The following BMPR1B variants were observed in gnomAD, a reference collection of about 807,000 sequenced individuals.
BMPR1B encodes the protein bone morphogenetic protein receptor type-1B.
A neutral mutation model predicts 59.1 loss-of-function variants in BMPR1B; 12 were observed. The ratio of observed to expected loss-of-function variants is 0.20; its 90% CI spans 0.13 to 0.33. The LOEUF is 0.33. BMPR1B is among the 10% of genes least tolerant of loss of function. The probability of loss-of-function intolerance (pLI) is 1.00; values close to 1 mark genes in which losing one functional copy is unlikely to be tolerated. For synonymous variants in BMPR1B, 237 were observed against 207.3 expected (o/e 1.14, Z -1.23); for missense variants, 550 against 610.9 (o/e 0.90, Z 1.05).
intron 2 of BMPR1B, among the ~76,000 whole-genome samples, chr4:94,882,826 C>A (rs1727027279): frequency 6.6e-6 from 1 of 152,132 alleles, no homozygotes; most frequent in Non-Finnish European, 1.5e-5. Context: ...TGTGGGAATT[C>A]ATGGTTTACA....
At chr4:94,943,712 A>G (rs1578831878) in intron 2 of BMPR1B, among the ~76,000 whole-genome samples, 1 of 152,334 alleles carries the variant, frequency 6.6e-6, no homozygotes, top group East Asian at 1.9e-4. Flanking sequence ...TGTTAAAGAA[A>G]TGGAAATGGA....
At chr4:94,843,504 T>A (rs745666347) in intron 1 of BMPR1B, among the ~76,000 whole-genome samples, 1 of 152,220 alleles carries the variant, frequency 6.6e-6, no homozygotes, top group Non-Finnish European at 1.5e-5. Flanking sequence ...AATGGTTCCA[T>A]TCTTCAGTGA....
At chr4:95,016,930 A>G (rs936975179) in intron 3 of BMPR1B, among the ~76,000 whole-genome samples, 3 of 152,350 alleles carry the variant, frequency 2.0e-5, no homozygotes, top group South Asian at 4.1e-4. Context: ...ACTATGATTT[A>G]TTATAGGGAG....
At chr4:94,821,260 T>C (rs552701336) in intron 1 of BMPR1B, among the ~76,000 whole-genome samples, 1 of 152,208 alleles carries the variant, frequency 6.6e-6, no homozygotes, top group Non-Finnish European at 1.5e-5. Flanking sequence ...TGCAGCCTAC[T>C]AATTGAAAAC....
rs1291021082 is a variant in BMPR1B at position 95,154,817 on chromosome 4, A to G, written c.*144A>G. On this transcript the variant is annotated 3_prime_UTR_variant, in exon 13 of 13. Coordinates refer to ENST00000515059, the MANE Select transcript of BMPR1B (RefSeq NM_001203.3). Reference sequence around the variant, plus strand: ...CCAGTGGGTTCAGACCTCACCTCTCAGGGAGCGACCTGGGCAAAGACAGAG... The same window carrying G: ...CCAGTGGGTTCAGACCTCACCTCTCGGGGAGCGACCTGGGCAAAGACAGAG... 1.7e-6 allele frequency: 2 copies of G among 1,148,708 alleles called. No individual in the cohort carries two copies. Among genetic ancestry groups the G allele is most frequent in the African/African-American group, 1.5e-5 (1 of 65,616 alleles). The allele number at this position is 1,148,708 out of a possible 1,614,324, so 71.2% of individuals were successfully genotyped here. A position where few individuals can be genotyped will look rare whatever the true frequency, so the allele number is the denominator to read the frequency against.
chr4:95,114,157 A>G (rs1030950443), intron 4 of BMPR1B, among the ~76,000 whole-genome samples: 2 of 152,036 alleles, frequency 1.3e-5, no homozygotes, highest in Non-Finnish European at 2.9e-5. Flanking sequence ...CCCAAATCCT[A>G]CCTGTCTTTA....
intron 3 of BMPR1B, among the ~76,000 whole-genome samples, chr4:95,042,364 G>C (rs1359014478): frequency 1.3e-5 from 2 of 152,158 alleles, no homozygotes; most frequent in Non-Finnish European, 2.9e-5. Flanking sequence ...AAGAGTCGCT[G>C]ACACAGTGAC....
chr4:94,802,285 T>C (rs560673997), intron 1 of BMPR1B, among the ~76,000 whole-genome samples: 1 of 152,262 alleles, frequency 6.6e-6, no homozygotes, highest in African/African-American at 2.4e-5. Flanking sequence ...ACTGTTCCCA[T>C]TGACAGCAGG....
chr4:94,922,338 T>TGAG (rs1491490053), intron 2 of BMPR1B, among the ~76,000 whole-genome samples: 1 of 152,022 alleles, frequency 6.6e-6, no homozygotes, highest in Admixed American at 6.6e-5. Context: ...TGCGTGTGTG[T>TGAG]ATGAGAGAGA....
In BMPR1B at chr4:95,120,703, C is replaced by CTCTCTCTCTCTCTT. The variant is rs1386065812; in HGVS notation, c.350-3089_350-3076dup. On this transcript the variant is annotated intron_variant, in intron 6 of 12. Transcript: ENST00000515059. ...CTTTTCTTTCTTTCTTTCTCTCTTT[C>CTCTCTCTCTCTCTT]TCTCTCTCTCTCTTTCTCTCTCTCT... Among the ~76,000 whole-genome samples the CTCTCTCTCTCTCTT allele has an allele frequency of 3.7e-5, 5 of 135,450 alleles. 1 individual carries two copies. Among genetic ancestry groups the CTCTCTCTCTCTCTT allele is most frequent in the African/African-American group, 1.5e-4 (5 of 33,414 alleles). 88.9% of individuals were successfully genotyped at this position (135,450 alleles called of 152,430 possible).
At chr4:94,880,884 C>T (rs1726937929) in intron 2 of BMPR1B, among the ~76,000 whole-genome samples, 1 of 152,074 alleles carries the variant, frequency 6.6e-6, no homozygotes, top group Admixed American at 6.5e-5. Context: ...GATTGGCCCT[C>T]CTTGGCCTCC....
At chr4:94,836,638 A>G (rs1237592700) in intron 1 of BMPR1B, among the ~76,000 whole-genome samples, 2 of 146,144 alleles carry the variant, frequency 1.4e-5, no homozygotes, top group South Asian at 4.4e-4. Context: ...GTTTGAGTTC[A>G]TTGTAGATTC....
At chr4:94,986,144 C>G (rs1721390431) in intron 2 of BMPR1B, among the ~76,000 whole-genome samples, 1 of 152,096 alleles carries the variant, frequency 6.6e-6, no homozygotes, top group Non-Finnish European at 1.5e-5. Context: ...AAAACAAAAA[C>G]ATAAGTAGTT....
chr4:94,763,368 C>T (rs1484084392), intron 1 of BMPR1B, among the ~76,000 whole-genome samples: 3 of 152,190 alleles, frequency 2.0e-5, no homozygotes, highest in Non-Finnish European at 4.4e-5. Flanking sequence ...AGTGCTAGGA[C>T]ATAGTAGGCA....
chr4:94,789,142 C>A (rs1259212777), intron 1 of BMPR1B, among the ~76,000 whole-genome samples: 1 of 152,130 alleles, frequency 6.6e-6, no homozygotes, highest in Non-Finnish European at 1.5e-5. Flanking sequence ...ATATTAAAGT[C>A]CAATTTTCGT....
At position 94,962,723 on chromosome 4, in the gene BMPR1B, C is replaced by T. The variant is rs115249035; in HGVS notation, c.-112-33317C>T. On this transcript the variant is annotated intron_variant, in intron 2 of 12. Transcript: ENST00000515059. ...ATGTACCACATTTTCTTTATCCATTCATTGTTGATGGACACTTAGGTTGAT... is the reference window on the plus strand; with the variant it reads ...ATGTACCACATTTTCTTTATCCATTTATTGTTGATGGACACTTAGGTTGAT... Among the ~76,000 whole-genome samples, 1,164 of 152,256 alleles carry T rather than the reference C, an allele frequency of 7.6e-3. 16 individuals carry two copies. The highest frequency in any genetic ancestry group is 0.024 in the African/African-American group (1,000 of 41,538).
At chr4:94,965,074 G>A (rs1290662340) in intron 2 of BMPR1B, among the ~76,000 whole-genome samples, 2 of 152,108 alleles carry the variant, frequency 1.3e-5, no homozygotes, top group African/African-American at 2.4e-5. Flanking sequence ...AGAACTTGAT[G>A]TGCGGAGCTT....
intron 10 of BMPR1B, among the ~76,000 whole-genome samples, chr4:95,147,526 A>G (rs1210482504): frequency 1.3e-5 from 2 of 152,178 alleles, no homozygotes; most frequent in African/African-American, 4.8e-5. Context: ...GAGAAATAAC[A>G]TGTAAATTCT....
At chr4:94,900,306 G>A (rs866364439) in intron 2 of BMPR1B, among the ~76,000 whole-genome samples, 51 of 147,450 alleles carry the variant, frequency 3.5e-4, no homozygotes, top group African/African-American at 1.3e-3. Flanking sequence ...CATAGCATCC[G>A]GTAACATGGA....
Sources: gnomAD v4.1 joint callset for allele counts (sites outside exome capture counted in the v4.1 genomes callset) on GRCh38, gnomAD v4.1.1 for gene constraint, MANE v1.5 for transcripts, NCBI Gene and HGNC (gene_info 2026-07-23, HGNC 2026-07-21) for gene names.